The following LARP1B variants were observed in gnomAD, a reference collection of about 807,000 sequenced individuals.
LARP1B encodes the protein La ribonucleoprotein 1B, also known as la-related protein 1B.
LARP1B carries 76 observed loss-of-function variants against 114.2 expected under a neutral mutation model. That is an observed-to-expected ratio of 0.67 (90% CI 0.55 to 0.81). The LOEUF (loss-of-function observed/expected upper bound fraction) is 0.81, where lower values mean the gene tolerates loss of function less well. LARP1B is among the 30% of genes least tolerant of loss of function. LARP1B has a pLI of 0.00. For synonymous variants in LARP1B, 345 were observed against 348.0 expected, an observed-to-expected ratio of 0.99 and a Z score of 0.10; for missense variants, 1,014 against 1,075.8, an observed-to-expected ratio of 0.94 and a Z score of 0.80.
chr4:128,132,503 C>T (rs1791888966), intron 11 of LARP1B, among the ~76,000 whole-genome samples: 1 of 152,118 alleles, frequency 6.6e-6, no homozygotes, highest in African/African-American at 2.4e-5. Context: ...GCATCAGTCT[C>T]CAAAAGTGCT....
At chr4:128,099,852 G>T (rs1316884251) in intron 8 of LARP1B, among the ~76,000 whole-genome samples, 2 of 152,036 alleles carry the variant, frequency 1.3e-5, no homozygotes, top group African/African-American at 4.8e-5. Context: ...TTACCATTTT[G>T]CATTCCCACG....
chr4:128,154,777 T>G (rs1237821435), intron 11 of LARP1B, among the ~76,000 whole-genome samples: 2 of 152,160 alleles, frequency 1.3e-5, no homozygotes, highest in Non-Finnish European at 2.9e-5. Flanking sequence ...GTTTACAAAA[T>G]TTTATTTTTT....
Position 128,107,300 on chromosome 4 carries a change from T to C in LARP1B, c.975T>C (p.Phe325=), listed in dbSNP as rs1191748080. 1 of 1,614,162 alleles carries C rather than the reference T, an allele frequency of 6.2e-7. No homozygotes were observed. Among genetic ancestry groups the C allele is most frequent in the East Asian group, 2.2e-5 (1 of 44,884 alleles). ...CAGAGTTTGTACCAGGCCAAGCCTT[T>C]TGCTCACATACAGGTAACATCTTTT... is the stretch of plus-strand genomic sequence containing the variant. The part of the protein sequence containing the change: ...DCPEFVPGQA[F]CSHTESAPNS... The change falls in exon 9 of 20, where the codon TTT becomes TTC. Residue 325 remains phenylalanine, a synonymous_variant. Coordinates refer to ENST00000326639, the MANE Select transcript of LARP1B (RefSeq NM_018078.4).
Position 128,062,592 on chromosome 4 carries a change from C to CTTTTTTTTTTTTTTTT in LARP1B, c.-78+1194_-78+1209dup, listed in dbSNP as rs10659836. Reference sequence around the variant, plus strand: ...CTTCGTATGGGAAAGTTTTGGTAGACTTTTTTTTTTTTTTTTTTACATAAA... The same window carrying CTTTTTTTTTTTTTTTT: ...CTTCGTATGGGAAAGTTTTGGTAGACTTTTTTTTTTTTTTTTTTTTTTTTTTTTTTTTTTACATAAA... On this transcript the variant is annotated intron_variant, in intron 1 of 19. Coordinates refer to ENST00000326639, the MANE Select transcript of LARP1B (RefSeq NM_018078.4). Among the ~76,000 whole-genome samples, 25 of 128,250 alleles carry CTTTTTTTTTTTTTTTT rather than the reference C, an allele frequency of 1.9e-4. 1 individual carries two copies. The highest frequency in any genetic ancestry group is 7.2e-4 in the African/African-American group (25 of 34,544). The allele number at this position is 128,250 out of a possible 152,430, so 84.1% of individuals were successfully genotyped here.
At chr4:128,130,627 C>A (rs2150100743) in intron 11 of LARP1B, among the ~76,000 whole-genome samples, 2 of 152,188 alleles carry the variant, frequency 1.3e-5, no homozygotes, top group East Asian at 3.9e-4. Flanking sequence ...GGTAGTTTGA[C>A]AATTTCGTAT....
chr4:128,114,807 T>C, intron 10 of LARP1B, 65 bp downstream of exon 10: 1 of 1,433,248 alleles, frequency 7.0e-7, no homozygotes, highest in Non-Finnish European at 9.6e-7. Flanking sequence ...CAGTGCACTT[T>C]ATGTTTGTTA....
At chr4:128,118,334 C>T (rs1254459506) in intron 10 of LARP1B, among the ~76,000 whole-genome samples, 2 of 150,242 alleles carry the variant, frequency 1.3e-5, no homozygotes, top group South Asian at 4.2e-4. Flanking sequence ...CGGGTTCATG[C>T]CATTCTCCTG....
chr4:128,142,572 G>A (rs1469355778), intron 11 of LARP1B, among the ~76,000 whole-genome samples: 2 of 150,532 alleles, frequency 1.3e-5, no homozygotes, highest in East Asian at 2.0e-4. Context: ...TCAATGGCGC[G>A]ATCTCTGCTC....
chr4:128,081,477 A>G (rs11932481), intron 4 of LARP1B, among the ~76,000 whole-genome samples: 1 of 147,370 alleles, frequency 6.8e-6, no homozygotes, highest in African/African-American at 2.5e-5. Context: ...GAATGTTTTC[A>G]TGTTACTTAT....
intron 15 of LARP1B, among the ~76,000 whole-genome samples, chr4:128,189,438 T>C (rs910675820): frequency 2.1e-5 from 3 of 145,800 alleles, no homozygotes; most frequent in African/African-American, 7.4e-5. Flanking sequence ...TTGTAGGCAA[T>C]ATATAGTTGG....
intron 5 of LARP1B, among the ~76,000 whole-genome samples, chr4:128,090,068 G>T (rs980000731): frequency 1.4e-5 from 2 of 147,080 alleles, no homozygotes; most frequent in South Asian, 2.2e-4. Flanking sequence ...CCACCACACC[G>T]GGCCTCTTTT....
At chr4:128,163,340 A>G (rs1264657152) in intron 12 of LARP1B, among the ~76,000 whole-genome samples, 1 of 152,124 alleles carries the variant, frequency 6.6e-6, no homozygotes, top group East Asian at 1.9e-4. Flanking sequence ...TAGAGACTTG[A>G]TTAGATTAAG....
rs1456967293 is a variant in LARP1B, at chr4:128,199,531, A to T, written c.2096A>T (p.His699Leu). 1.9e-6 allele frequency: 3 copies of T among 1,601,658 alleles called. No homozygotes were observed. The highest frequency in any genetic ancestry group is 3.4e-5 in the Admixed American group (2 of 59,226). The change falls in exon 16 of 20, where the codon CAT becomes CTT. Residue 699 changes from histidine (H) to leucine (L), a missense_variant. Physicochemically the swap from His to Leu is moderately conservative, Grantham distance 99. Transcript: ENST00000326639. ...HSFPKFQHPS[H>L]ELLKENGFTQ... ...TTCCCAAAGTTCCAGCATCCTTCTC[A>T]TGAACTTTTGAAGGAAAATGGCTTT...
rs781116539 is a variant in LARP1B, at chr4:128,091,104, C to T, written c.462C>T (p.Gly154=). The T allele has an allele frequency of 7.4e-6, 12 of 1,613,540 alleles. No homozygotes were observed. In the Admixed American group the frequency reaches 1.5e-4, roughly 20 times the overall value. The change falls in exon 6 of 20, where the codon GGC becomes GGT. Residue 154 remains glycine (G), a synonymous_variant. Transcript: ENST00000326639. ...GTTCCTTTAGAGGTCGAGGAAGAGG[C>T]CGAGGACGGGGAAGAGGACGAGGCA... ...IRGSFRGRGR[G]RGRGRGRGRG...
At chr4:128,186,699 T>G (rs534783617) in intron 15 of LARP1B, among the ~76,000 whole-genome samples, 1 of 152,322 alleles carries the variant, frequency 6.6e-6, no homozygotes, top group East Asian at 1.9e-4. Flanking sequence ...GACAACCTTG[T>G]GTTATTCCAG....
At chr4:128,212,732 A>G (rs1236727318), downstream of LARP1B, among the ~76,000 whole-genome samples, 2 of 152,154 alleles carry the variant, frequency 1.3e-5, no homozygotes, top group African/African-American at 4.8e-5. Flanking sequence ...TAAAAGAGTT[A>G]CTGTCAAGAA....
chr4:128,218,648 G>T (rs1759719434), intron 6 of LARP1B, among the ~76,000 whole-genome samples: 7 of 57,490 alleles, frequency 1.2e-4, no homozygotes, highest in African/African-American at 3.9e-4. Context: ...ATCAATTCAA[G>T]ATGGATTAAA....
At chr4:128,191,095 AT>A (rs1478570859) in intron 15 of LARP1B, among the ~76,000 whole-genome samples, 1 of 143,978 alleles carries the variant, frequency 6.9e-6, no homozygotes, top group East Asian at 2.0e-4. Flanking sequence ...CAGAAAACGT[AT>A]TTCTGAGTTC....
intron 4 of LARP1B, 102 bp from the exon 5 acceptor site, chr4:128,082,062 AT>A (rs1561102564): frequency 9.4e-7 from 1 of 1,061,474 alleles, no homozygotes; most frequent in East Asian, 2.4e-5. Flanking sequence ...TAAAATACAC[AT>A]TAAGTGTTTC....
Sources: allele counts gnomAD v4.1 joint callset (sites outside exome capture counted in the v4.1 genomes callset), GRCh38; gene constraint gnomAD v4.1.1; transcripts MANE v1.5; gene names NCBI Gene and HGNC (gene_info 2026-07-23, HGNC 2026-07-21).